The following RIMS2 variants were observed in gnomAD, a reference collection of about 807,000 sequenced individuals.
RIMS2 encodes the protein regulating synaptic membrane exocytosis protein 2.
Under a neutral mutation model 174.4 loss-of-function variants are expected in RIMS2, and 59 were observed. That is an observed-to-expected ratio of 0.34 (90% confidence interval 0.27 to 0.42). RIMS2 has a LOEUF of 0.42. Ranked by LOEUF, RIMS2 falls within the 10% of genes least tolerant of loss-of-function variation. The pLI is 1.00. For synonymous variants in RIMS2, 606 were observed against 572.5 expected, an observed-to-expected ratio of 1.06 and a Z score of -0.84; for missense variants, 1,620 against 1,666.3, an observed-to-expected ratio of 0.97 and a Z score of 0.48.
At chr8:103,603,644 T>A (rs1167467003) in intron 1 of RIMS2, among the ~76,000 whole-genome samples, 2 of 148,826 alleles carry the variant, frequency 1.3e-5, no homozygotes, top group Non-Finnish European at 3.0e-5. Context: ...TTTCTCCACA[T>A]CCTCTCCAGC....
intron 3 of RIMS2, among the ~76,000 whole-genome samples, chr8:103,804,113 G>GT (rs1431021881): frequency 2.0e-5 from 3 of 152,066 alleles, no homozygotes; most frequent in Admixed American, 1.3e-4. Context: ...TTCAAAAAAA[G>GT]TAAAGAAAAA....
intron 19 of RIMS2, chr8:104,068,594 ACAAGATTAC>A (rs1193306662): frequency 6.4e-7 from 1 of 1,551,780 alleles, no homozygotes; most frequent in Admixed American, 1.8e-5. Flanking sequence ...CCAGACTGGA[ACAAGATTAC>A]CATTCGAAGG....
intron 2 of RIMS2, among the ~76,000 whole-genome samples, chr8:103,745,741 A>T (rs1302218914): frequency 1.3e-5 from 2 of 152,134 alleles, no homozygotes; most frequent in South Asian, 2.1e-4. Flanking sequence ...ATTACTTCTT[A>T]TGCTTTTTGG....
intron 3 of RIMS2, among the ~76,000 whole-genome samples, chr8:103,829,092 T>G (rs1048165387): frequency 2.6e-5 from 4 of 151,692 alleles, no homozygotes; most frequent in Non-Finnish European, 5.9e-5. Context: ...ATAGGTTTTT[T>G]TTTTTTTTTT....
intron 1 of RIMS2, among the ~76,000 whole-genome samples, chr8:103,541,658 C>T (rs1280374270): frequency 6.6e-6 from 1 of 152,154 alleles, no homozygotes; most frequent in Non-Finnish European, 1.5e-5. Flanking sequence ...ATTCAGAATA[C>T]TCTAGTACTG....
intron 19 of RIMS2, among the ~76,000 whole-genome samples, chr8:104,104,399 A>G (rs1453904311): frequency 6.6e-6 from 1 of 152,154 alleles, no homozygotes; most frequent in African/African-American, 2.4e-5. Context: ...TATAGCATTT[A>G]TTGAGGAGTG....
At chr8:103,976,314 T>C (rs530853297) in intron 16 of RIMS2, 4 of 152,330 alleles carry the variant, frequency 2.6e-5, no homozygotes, top group African/African-American at 9.6e-5. Flanking sequence ...ACTTGTTTTG[T>C]AATTTTAGAC....
chr8:104,032,333 G>A (rs1374641958), intron 19 of RIMS2, among the ~76,000 whole-genome samples: 2 of 151,998 alleles, frequency 1.3e-5, no homozygotes, highest in African/African-American at 2.4e-5. Context: ...TTCTACCAGT[G>A]AATTGAAACA....
At chr8:103,941,978 T>C (rs2082643911) in intron 13 of RIMS2, among the ~76,000 whole-genome samples, 1 of 152,204 alleles carries the variant, frequency 6.6e-6, no homozygotes, top group Non-Finnish European at 1.5e-5. Context: ...CAGTAGGCAC[T>C]TCAATTGTAA....
intron 3 of RIMS2, among the ~76,000 whole-genome samples, chr8:103,873,945 A>G (rs1241517505): frequency 2.6e-5 from 4 of 152,084 alleles, no homozygotes; most frequent in Non-Finnish European, 5.9e-5. Context: ...AGTAATAGAA[A>G]CCCCAAATGA....
intron 1 of RIMS2, among the ~76,000 whole-genome samples, chr8:103,547,044 T>A (rs1845454556): frequency 6.6e-6 from 1 of 152,164 alleles, no homozygotes; most frequent in African/African-American, 2.4e-5. Flanking sequence ...TGGAAAGTGT[T>A]CACAGACACA....
intron 1 of RIMS2, among the ~76,000 whole-genome samples, chr8:103,681,576 C>T (rs1360766597): frequency 6.6e-6 from 1 of 151,632 alleles, no homozygotes; most frequent in African/African-American, 2.4e-5. Context: ...TCATTCTAGA[C>T]AGGCAAGAGC....
chr8:103,821,795 T>C (rs562925136), intron 3 of RIMS2, among the ~76,000 whole-genome samples: 1 of 151,694 alleles, frequency 6.6e-6, no homozygotes, highest in South Asian at 2.1e-4. Flanking sequence ...CTTTCCACTT[T>C]AGTATAGACT....
intron 19 of RIMS2, among the ~76,000 whole-genome samples, chr8:104,156,703 G>T (rs1391939108): frequency 6.6e-6 from 1 of 152,090 alleles, no homozygotes; most frequent in Admixed American, 6.6e-5. Context: ...GAGATTTTTA[G>T]AGATTTATAA....
intron 2 of RIMS2, among the ~76,000 whole-genome samples, chr8:103,698,176 T>C (rs1433036577): frequency 6.6e-6 from 1 of 152,222 alleles, no homozygotes; most frequent in Non-Finnish European, 1.5e-5. Context: ...TTCATTATTT[T>C]GTTTTGCTAA....
intron 4 of RIMS2, among the ~76,000 whole-genome samples, chr8:103,894,266 C>G (rs1344203009): frequency 1.3e-5 from 2 of 151,656 alleles, no homozygotes; most frequent in Non-Finnish European, 2.9e-5. Context: ...AAAGTTAAAA[C>G]AAAATAGCAA....
chr8:103,533,729 GAA>G (rs909971983), intron 1 of RIMS2, among the ~76,000 whole-genome samples: 60 of 147,742 alleles, frequency 4.1e-4, no homozygotes, highest in African/African-American at 1.5e-3. Context: ...GTATGGAGTA[GAA>G]AAAGTCTTAG....
chr8:103,565,789 C>T (rs1171987868), intron 1 of RIMS2, among the ~76,000 whole-genome samples: 1 of 152,138 alleles, frequency 6.6e-6, no homozygotes, highest in Admixed American at 6.6e-5. Context: ...CTGGTGAGAC[C>T]TTGACCCCAG....
At chr8:103,553,867 G>T (rs1849193969) in intron 1 of RIMS2, among the ~76,000 whole-genome samples, 1 of 152,044 alleles carries the variant, frequency 6.6e-6, no homozygotes, top group African/African-American at 2.4e-5. Flanking sequence ...TAGACCAATG[G>T]AACAGAATAG....
Sources: allele counts gnomAD v4.1 joint callset (sites outside exome capture counted in the v4.1 genomes callset), GRCh38; gene constraint gnomAD v4.1.1; transcripts MANE v1.5; gene names NCBI Gene and HGNC (gene_info 2026-07-23, HGNC 2026-07-21).